Variants in ADAMTS2 observed in about 807,000 individuals in gnomAD.
ADAMTS2 encodes the protein A disintegrin and metalloproteinase with thrombospondin motifs 2.
In ADAMTS2, 50 loss-of-function variants were observed where a neutral mutation model predicts 123.0. The ratio of observed to expected loss-of-function variants is 0.41; its 90% CI spans 0.32 to 0.51. ADAMTS2 has a LOEUF of 0.51. ADAMTS2 is among the 20% of genes least tolerant of loss of function. The probability of loss-of-function intolerance (pLI) is 0.35; values close to 1 mark genes in which losing one functional copy is unlikely to be tolerated. For missense variants in ADAMTS2, 1,494 were observed against 1,705.2 expected (o/e 0.88, Z 2.18); for synonymous variants, 678 against 695.4 (o/e 0.98, Z 0.39).
intron 2 of ADAMTS2, among the ~76,000 whole-genome samples, chr5:179,306,506 C>G (rs897463014): frequency 6.6e-6 from 1 of 152,144 alleles, no homozygotes; most frequent in Non-Finnish European, 1.5e-5. Context: ...AACACAATAC[C>G]GCATCCTGAG....
intron 8 of ADAMTS2, 32 bp downstream of exon 8, chr5:179,154,017 G>A (rs968039125): frequency 3.0e-5 from 47 of 1,581,698 alleles, no homozygotes; most frequent in Non-Finnish European, 3.9e-5. Flanking sequence ...GGGACTGAGG[G>A]GTCGCCCACG....
rs1004450261 is a variant in ADAMTS2 at position 179,242,765 on chromosome 5, C to T, written c.688+30146G>A. Among the ~76,000 whole-genome samples, 4 of 152,246 alleles carry T rather than the reference C, an allele frequency of 2.6e-5. No individual in the cohort carries two copies. Among genetic ancestry groups the T allele is most frequent in the African/African-American group, 9.6e-5 (4 of 41,538 alleles). On this transcript the variant is annotated intron_variant, in intron 3 of 21. Transcript: ENST00000251582. The surrounding 1 kb of genome is among the most constrained non-coding windows in gnomAD (Gnocchi z 4.2). ...CAGGGCTCCCTCTTCCCTCAGATCC[C>T]AGTCAAGGAATACAGTATTTCACCA...
chr5:179,209,774 G>C (rs994389554), intron 3 of ADAMTS2, among the ~76,000 whole-genome samples: 2 of 152,194 alleles, frequency 1.3e-5, no homozygotes, highest in African/African-American at 4.8e-5. Flanking sequence ...CCTGACAGGG[G>C]GGTTGAGGAA....
intron 2 of ADAMTS2, among the ~76,000 whole-genome samples, chr5:179,300,689 A>G (rs1438180229): frequency 1.3e-5 from 2 of 152,162 alleles, no homozygotes; most frequent in Non-Finnish European, 2.9e-5. Flanking sequence ...GTGAAGATAA[A>G]TCCCCTTATA....
Position 179,345,284 on chromosome 5 carries a change from C to CAGT in ADAMTS2, c.44_45insACT (p.Leu23dup), listed in dbSNP as rs540605802. ...GCAGCAGCAGCAGCAGCAGCAGCAG[C>CAGT]GCGGGGCAGAGCAGGCGGCGAGCGG... On this transcript the variant is annotated inframe_insertion, in exon 1 of 22. Coordinates refer to ENST00000251582, the MANE Select transcript of ADAMTS2 (RefSeq NM_014244.5). This position sits in a 1 kb window ranked among gnomAD's most constrained non-coding sequence, Gnocchi z 7.5. 31 of 1,154,588 alleles carry CAGT rather than the reference C, an allele frequency of 2.7e-5. No homozygotes were observed. Among genetic ancestry groups the CAGT allele is most frequent in the Admixed American group, 4.8e-5 (1 of 20,736 alleles). 71.5% of individuals were successfully genotyped at this position (1,154,588 alleles called of 1,614,324 possible). A position where few individuals can be genotyped will look rare whatever the true frequency, so the allele number is the denominator to read the frequency against.
rs2113206493 is a variant in ADAMTS2 at position 179,132,906 on chromosome 5, G to A, written c.2086-6C>T. 1 of 1,613,270 alleles carries A rather than the reference G, an allele frequency of 6.2e-7. No individual in the cohort carries two copies. Among genetic ancestry groups the A allele is most frequent in the South Asian group, 1.1e-5 (1 of 90,954 alleles). On this transcript the variant is annotated splice_region_variant and splice_polypyrimidine_tract_variant and intron_variant, in intron 13 of 21. Transcript: ENST00000251582. The surrounding 1 kb of genome is among the most constrained non-coding windows in gnomAD (Gnocchi z 6.1). ...ACACCGTCACAGCCCACCTTCTGTT[G>A]GGGGAGGAGGCAGTGAGCACTTGAG...
rs977557229 is a variant in ADAMTS2 at position 179,262,553 on chromosome 5, A to G, written c.688+10358T>C. 2.0e-5 allele frequency among the ~76,000 whole-genome samples: 3 copies of G among 151,974 alleles called. No individual in the cohort carries two copies. Among genetic ancestry groups the G allele is most frequent in the African/African-American group, 7.3e-5 (3 of 41,370 alleles). On this transcript the variant is annotated intron_variant, in intron 3 of 21. Coordinates refer to ENST00000251582, the MANE Select transcript of ADAMTS2 (RefSeq NM_014244.5). This position sits in a 1 kb window ranked among gnomAD's most constrained non-coding sequence, Gnocchi z 5.9. The stretch of plus-strand genomic sequence containing the variant: ...CCCCATTACGTCCTCAGTTCCAGGT[A>G]CTAGCTCTTCCTTCTGCCCCTTGGT...
chr5:179,176,448 A>G (rs1038469049), intron 5 of ADAMTS2, among the ~76,000 whole-genome samples: 5 of 152,070 alleles, frequency 3.3e-5, no homozygotes, highest in African/African-American at 1.2e-4. Flanking sequence ...CTAACTGCAC[A>G]TCTCAGCTGA....
chr5:179,299,368 A>C (rs1756439601), intron 2 of ADAMTS2, among the ~76,000 whole-genome samples: 1 of 8,092 alleles, frequency 1.2e-4, no homozygotes. Flanking sequence ...TCTCTGCTAA[A>C]TATACAAAAA....
chr5:179,290,544 T>C (rs1014855942), intron 2 of ADAMTS2, among the ~76,000 whole-genome samples: 6 of 152,254 alleles, frequency 3.9e-5, no homozygotes, highest in Non-Finnish European at 5.9e-5. Context: ...CAGTCCTTGT[T>C]CTACGTTGCA....
intron 12 of ADAMTS2, among the ~76,000 whole-genome samples, chr5:179,136,435 G>A (rs1189241461): frequency 6.6e-6 from 1 of 152,180 alleles, no homozygotes; most frequent in Non-Finnish European, 1.5e-5. Flanking sequence ...GGAGGCAGAG[G>A]CAGGTGGATC....
In ADAMTS2 at chr5:179,308,845, A is replaced by G. The variant is rs1756748150; in HGVS notation, c.534+34922T>C. ...CTGGGATGCAGCTAGGCCAGCTGGG[A>G]GCCAGACAGCCACTGAAGCCCTCGG... On this transcript the variant is annotated intron_variant, in intron 2 of 21. Coordinates refer to ENST00000251582, the MANE Select transcript of ADAMTS2 (RefSeq NM_014244.5). This position sits in a 1 kb window ranked among gnomAD's most constrained non-coding sequence, Gnocchi z 6.6. Among the ~76,000 whole-genome samples the G allele has an allele frequency of 6.6e-6, 1 of 152,086 alleles. No homozygotes were observed. Among genetic ancestry groups the G allele is most frequent in the Non-Finnish European group, 1.5e-5 (1 of 68,018 alleles).
At position 179,175,371 on chromosome 5, in the gene ADAMTS2, CT is replaced by C. The variant is rs2113300440; in HGVS notation, c.975+5700del. Among the ~76,000 whole-genome samples the C allele has an allele frequency of 6.6e-6, 1 of 152,358 alleles. No individual in the cohort carries two copies. Among genetic ancestry groups the C allele is most frequent in the South Asian group, 2.1e-4 (1 of 4,832 alleles). Reference sequence around the variant, plus strand: ...TAGAATCACTTCATAACATTTCCAACTATGAATCTGGGAAAGGCCAACCTCT... The same window carrying C: ...TAGAATCACTTCATAACATTTCCAACATGAATCTGGGAAAGGCCAACCTCT... On this transcript the variant is annotated intron_variant, in intron 5 of 21. Coordinates refer to ENST00000251582, the MANE Select transcript of ADAMTS2 (RefSeq NM_014244.5). The surrounding 1 kb of genome is among the most constrained non-coding windows in gnomAD (Gnocchi z 4.1).
intron 15 of ADAMTS2, among the ~76,000 whole-genome samples, chr5:179,131,306 C>CAAAAAAAAAAAAAAAA (rs553125844): frequency 2.2e-4 from 5 of 22,658 alleles, no homozygotes; most frequent in East Asian, 1.3e-3. Context: ...GAGCGAGACT[C>CAAAAAAAAAAAAAAAA]AAAAAAAAAA....
Position 179,158,582 on chromosome 5 carries a change from C to A in ADAMTS2, c.1132+141G>T. The A allele has an allele frequency of 1.8e-6, 2 of 1,086,074 alleles. No individual in the cohort carries two copies. The highest frequency in any genetic ancestry group is 1.9e-5 in the Admixed American group (1 of 53,692). 67.3% of individuals were successfully genotyped at this position (1,086,074 alleles called of 1,614,324 possible). A position where few individuals can be genotyped will look rare whatever the true frequency, so the allele number is the denominator to read the frequency against. ...TGTCCATCAGTGCACTGCCCCACAC[C>A]CTCACCCAGCTAAGGTGGCCACGGC... On this transcript the variant is annotated intron_variant, in intron 6 of 21. Transcript: ENST00000251582. The surrounding 1 kb of genome is among the most constrained non-coding windows in gnomAD (Gnocchi z 5.0).
intron 3 of ADAMTS2, among the ~76,000 whole-genome samples, chr5:179,229,578 A>G (rs1246012334): frequency 6.6e-6 from 1 of 151,744 alleles, no homozygotes; most frequent in Non-Finnish European, 1.5e-5. Context: ...ACCAAGAAAC[A>G]CTCTTTGTAG....
rs1315798896 is a variant in ADAMTS2 at position 179,256,038 on chromosome 5, C to T, written c.688+16873G>A. Among the ~76,000 whole-genome samples the T allele has an allele frequency of 2.0e-5, 3 of 152,200 alleles. No homozygotes were observed. Among genetic ancestry groups the T allele is most frequent in the African/African-American group, 4.8e-5 (2 of 41,456 alleles). On this transcript the variant is annotated intron_variant, in intron 3 of 21. Coordinates refer to ENST00000251582, the MANE Select transcript of ADAMTS2 (RefSeq NM_014244.5). The surrounding 1 kb of genome is among the most constrained non-coding windows in gnomAD (Gnocchi z 4.1). ...GGTACCCACCAGTCTCCTTCTCTGT[C>T]CCCAGCCTCTCCCGCAGCTTGGCCT... is the stretch of plus-strand genomic sequence containing the variant.
At chr5:179,230,259 C>T (rs1286270091) in intron 3 of ADAMTS2, among the ~76,000 whole-genome samples, 2 of 152,126 alleles carry the variant, frequency 1.3e-5, no homozygotes, top group Non-Finnish European at 2.9e-5. Context: ...TGCGCAGAGG[C>T]AGAGGATGGG....
At chr5:179,236,156 CTGCCTTGGGAGCAATGA>C (rs1397750592) in intron 3 of ADAMTS2, among the ~76,000 whole-genome samples, 1 of 152,242 alleles carries the variant, frequency 6.6e-6, no homozygotes, top group Non-Finnish European at 1.5e-5. Context: ...GGGGGAAGAG[CTGCCTTGGGAGCAATGA>C]TGGGCATCGT....
Sources: gnomAD v4.1 joint callset for allele counts (sites outside exome capture counted in the v4.1 genomes callset) on GRCh38, gnomAD v4.1.1 for gene constraint, Gnocchi (gnomAD v3.1) non-coding constraint, MANE v1.5 for transcripts, NCBI Gene and HGNC (gene_info 2026-07-23, HGNC 2026-07-21) for gene names.